S100B: variants seen among roughly 807,000 people sequenced by gnomAD.
The protein encoded by S100B is S100 calcium binding protein B.
Under a neutral mutation model 7.7 loss-of-function variants are expected in S100B, and 6 were observed. The ratio of observed to expected loss-of-function variants is 0.78; its 90% CI spans 0.43 to 1.54. S100B has a LOEUF of 1.54. Ranked by LOEUF, S100B falls within the 40% of genes most tolerant of loss-of-function variation. S100B has a pLI of 0.01. For missense variants in S100B, 99 were observed against 111.8 expected (o/e 0.89, Z 0.52); for synonymous variants, 36 against 40.4 (o/e 0.89, Z 0.41).
chr21:46,602,495 C>G, intron 1 of S100B, 79 bp from the exon 2 acceptor site: 1 of 1,424,968 alleles, frequency 7.0e-7, no homozygotes, highest in Non-Finnish European at 9.5e-7. Flanking sequence ...ATACAGACCT[C>G]AACCCAGACA....
At chr21:46,603,652 T>G (rs1470362591) in intron 1 of S100B, among the ~76,000 whole-genome samples, 1 of 152,208 alleles carries the variant, frequency 6.6e-6, no homozygotes, top group Non-Finnish European at 1.5e-5. Flanking sequence ...TAAAAACAAA[T>G]TAATAAATCA....
Position 46,599,462 on chromosome 21 carries a change from T to A in S100B, c.180A>T (p.Thr60=), listed in dbSNP as rs1292782017. The change falls in exon 3 of 3, where the codon ACA becomes ACT. Residue 60 remains threonine, a synonymous_variant. Coordinates refer to ENST00000291700, the MANE Select transcript of S100B (RefSeq NM_006272.3). ...ATTCGCCGTCTCCATCATTGTCCAG[T>A]GTTTCCATGACTTTGTCCACAACCT... ...EQEVVDKVME[T]LDNDGDGECD... The A allele has an allele frequency of 8.1e-6, 13 of 1,613,908 alleles. No homozygotes were observed. Among genetic ancestry groups the A allele is most frequent in the Non-Finnish European group, 1.1e-5 (13 of 1,179,874 alleles).
rs575081669 is a variant in S100B at position 46,602,423 on chromosome 21, G to C, written c.-1-7C>G. The C allele has an allele frequency of 1.2e-6, 2 of 1,609,762 alleles. No homozygotes were observed. The highest frequency in any genetic ancestry group is 2.7e-5 in the African/African-American group (2 of 74,520). ...CTTCTCCAGCTCAGACATCCTAGGG[G>C]CTCGCAAAGGAAAGTTGCCTTCTCA... On this transcript the variant is annotated splice_region_variant and splice_polypyrimidine_tract_variant and intron_variant, in intron 1 of 2. Coordinates refer to ENST00000291700, the MANE Select transcript of S100B (RefSeq NM_006272.3).
intron 1 of S100B, chr21:46,602,754 A>C: frequency 4.8e-6 from 1 of 206,946 alleles, no homozygotes; most frequent in Non-Finnish European, 9.8e-6. Flanking sequence ...TTCAGGGATT[A>C]ATTTCCCCTG....
At chr21:46,600,408 A>C (rs1375129675) in intron 2 of S100B, 3 of 438,296 alleles carry the variant, frequency 6.8e-6, no homozygotes, top group Non-Finnish European at 1.4e-5. Context: ...TTAGCTGGGC[A>C]TGGTCCATGT....
chr21:46,604,609 G>A (rs906932823), intron 1 of S100B, among the ~76,000 whole-genome samples: 1 of 152,194 alleles, frequency 6.6e-6, no homozygotes, highest in African/African-American at 2.4e-5. Flanking sequence ...GAAAAGGGAA[G>A]CATTTATTTA....
chr21:46,601,637 G>C (rs999664076), intron 2 of S100B, among the ~76,000 whole-genome samples: 1 of 152,206 alleles, frequency 6.6e-6, no homozygotes. Context: ...GCTTCCTAAA[G>C]TAGGGGCCCC....
intron 2 of S100B, 84 bp from the exon 3 acceptor site, chr21:46,599,587 T>C: frequency 1.7e-6 from 2 of 1,183,408 alleles, no homozygotes; most frequent in African/African-American, 1.5e-5. Context: ...TGAGTGACTC[T>C]GATAATTTGT....
chr21:46,600,784 G>C (rs2061039306), intron 2 of S100B, among the ~76,000 whole-genome samples: 1 of 152,094 alleles, frequency 6.6e-6, no homozygotes, highest in Non-Finnish European at 1.5e-5. Flanking sequence ...CTTTTTCTAT[G>C]TATAAAAATA....
intron 2 of S100B, among the ~76,000 whole-genome samples, chr21:46,601,263 G>A (rs1030484460): frequency 1.3e-5 from 2 of 152,176 alleles, no homozygotes; most frequent in African/African-American, 2.4e-5. Flanking sequence ...CCTGGAATAG[G>A]GCTTGGTGAG....
chr21:46,603,548 GTTGTTTCACAA>G (rs2061049054), intron 1 of S100B, among the ~76,000 whole-genome samples: 2 of 152,220 alleles, frequency 1.3e-5, no homozygotes, highest in South Asian at 4.1e-4. Context: ...TGCCTTGTCA[GTTGTTTCACAA>G]AACAGATGCG....
At chr21:46,603,485 C>G (rs1470053138) in intron 1 of S100B, among the ~76,000 whole-genome samples, 1 of 151,260 alleles carries the variant, frequency 6.6e-6, no homozygotes, top group Non-Finnish European at 1.5e-5. Flanking sequence ...CCACAGCCTA[C>G]GAACCAAGGA....
At chr21:46,599,768 C>G (rs375254726) in intron 2 of S100B, among the ~76,000 whole-genome samples, 1 of 132,574 alleles carries the variant, frequency 7.5e-6, no homozygotes, top group Non-Finnish European at 1.7e-5. Context: ...TGTTATCATA[C>G]TTAAAATACC....
intron 2 of S100B, among the ~76,000 whole-genome samples, chr21:46,601,277 C>T (rs1216210510): frequency 1.3e-5 from 2 of 152,218 alleles, no homozygotes; most frequent in Non-Finnish European, 2.9e-5. Context: ...TGGTGAGACA[C>T]TAGTGCGCTG....
At chr21:46,604,949 C>T (rs376638018) in intron 1 of S100B, 64 bp downstream of exon 1, 10 of 152,304 alleles carry the variant, frequency 6.6e-5, no homozygotes, top group African/African-American at 1.9e-4. Context: ...CCCTCCATTC[C>T]GTTCCACCCA....
chr21:46,601,815 C>T (rs983320652), intron 2 of S100B, among the ~76,000 whole-genome samples: 1 of 152,250 alleles, frequency 6.6e-6, no homozygotes, highest in Non-Finnish European at 1.5e-5. Flanking sequence ...CCATGTCTGT[C>T]GTGCCTGCAT....
At position 46,602,297 on chromosome 21, in the gene S100B, T is replaced by C. The variant is rs1275917061; in HGVS notation, c.119A>G (p.Glu40Gly). 1 of 1,613,418 alleles carries C rather than the reference T, an allele frequency of 6.2e-7. No individual in the cohort carries two copies. The highest frequency in any genetic ancestry group is 1.7e-5 in the Admixed American group (1 of 59,878). The stretch of plus-strand genomic sequence containing the variant: ...ACTCACCTCTAAGAAATGGGAAAGC[T>C]CATTGTTGATGAGCTCCTTCAGTTC... Reference protein sequence around the residue: ...KSELKELINNELSHFLEEIKE... With the variant: ...KSELKELINNGLSHFLEEIKE... The change falls in exon 2 of 3, where the codon GAG becomes GGG. Residue 40 changes from glutamate to glycine, a missense_variant. Transcript: ENST00000291700.
At chr21:46,601,265 C>T (rs190014501) in intron 2 of S100B, among the ~76,000 whole-genome samples, 131 of 152,324 alleles carry the variant, frequency 8.6e-4, no homozygotes, top group Non-Finnish European at 1.3e-3. Flanking sequence ...TGGAATAGGG[C>T]TTGGTGAGAC....
At chr21:46,603,762 G>C (rs2839360) in intron 1 of S100B, among the ~76,000 whole-genome samples, 151 of 152,244 alleles carry the variant, frequency 9.9e-4, no homozygotes, top group Non-Finnish European at 1.6e-3. Context: ...AAGGAAACAG[G>C]ATTGAAGATT....
Sources: gnomAD v4.1 joint callset for allele counts (sites outside exome capture counted in the v4.1 genomes callset) on GRCh38, gnomAD v4.1.1 for gene constraint, MANE v1.5 for transcripts, NCBI Gene and HGNC (gene_info 2026-07-23, HGNC 2026-07-21) for gene names.